PCNX2: variants seen among roughly 807,000 people sequenced by gnomAD.
PCNX2 encodes pecanex-like protein 2.
PCNX2 carries 168 observed loss-of-function variants against 223.8 expected under a neutral mutation model. The observed-to-expected ratio is 0.75, with a 90% confidence interval of 0.66 to 0.85. PCNX2 has a LOEUF of 0.85. PCNX2 is among the 40% of genes least tolerant of loss of function. PCNX2 has a pLI of 0.00. For missense variants in PCNX2, 2,507 were observed against 2,675.5 expected (o/e 0.94, Z 1.39); for synonymous variants, 1,006 against 1,052.6 (o/e 0.96, Z 0.86).
At chr1:233,167,566 C>T in intron 17 of PCNX2, 2 of 289,434 alleles carry the variant, frequency 6.9e-6, no homozygotes, top group Non-Finnish European at 1.0e-5. Flanking sequence ...CTGCTTTTGC[C>T]ACAAAAACAA....
chr1:233,135,658 A>G (rs1011618578), intron 20 of PCNX2, among the ~76,000 whole-genome samples: 1 of 152,228 alleles, frequency 6.6e-6, no homozygotes, highest in African/African-American at 2.4e-5. Flanking sequence ...CCTCTTCATG[A>G]GAAAAGAATC....
At chr1:232,985,059 A>C (rs1210796919) in intron 33 of PCNX2, 1 of 152,268 alleles carries the variant, frequency 6.6e-6, no homozygotes, top group African/African-American at 2.4e-5. Context: ...TTAGTTATCT[A>C]ACTAAGGTCA....
chr1:233,022,942 C>T (rs192058380), intron 26 of PCNX2, among the ~76,000 whole-genome samples: 54 of 152,242 alleles, frequency 3.5e-4, no homozygotes, highest in Non-Finnish European at 6.2e-4. Context: ...AGTGATCTGC[C>T]TGCCTCGGTC....
chr1:233,180,136 C>T (rs1679706102), intron 15 of PCNX2, among the ~76,000 whole-genome samples: 1 of 152,174 alleles, frequency 6.6e-6, no homozygotes, highest in Non-Finnish European at 1.5e-5. Flanking sequence ...TGTTCGAGTG[C>T]TATTTCTTTG....
chr1:233,145,685 T>A (rs1270674275), intron 19 of PCNX2, among the ~76,000 whole-genome samples: 6 of 152,148 alleles, frequency 3.9e-5, no homozygotes, highest in South Asian at 2.1e-4. Context: ...GAAGCATCAT[T>A]CTGGTAGGAG....
chr1:233,252,921 T>A, intron 5 of PCNX2, 133 bp from the exon 6 acceptor site: 2 of 938,056 alleles, frequency 2.1e-6, no homozygotes, highest in Non-Finnish European at 3.1e-6. Context: ...AAAAGGCTTT[T>A]AAATAATTTT....
chr1:233,208,467 G>T (rs747791407), intron 13 of PCNX2, 51 bp downstream of exon 13: 129 of 1,537,456 alleles, frequency 8.4e-5, no homozygotes, highest in Non-Finnish European at 1.1e-4. Context: ...ACAAAGGGGA[G>T]ACATACCCCC....
intron 26 of PCNX2, among the ~76,000 whole-genome samples, chr1:233,017,712 A>C (rs938713054): frequency 2.0e-5 from 3 of 152,180 alleles, no homozygotes; most frequent in African/African-American, 7.2e-5. Context: ...GCTGGGTGTA[A>C]TGCACAGAAC....
intron 26 of PCNX2, 26 bp from the exon 27 acceptor site, chr1:233,017,180 T>G: frequency 1.4e-6 from 1 of 690,570 alleles, no homozygotes; most frequent in South Asian, 2.2e-5. Context: ...CAGGAAGATT[T>G]TATTTATTAA....
At position 232,999,085 on chromosome 1, in the gene PCNX2, C is replaced by T. The variant is rs373129179; in HGVS notation, c.5603+20G>A. On this transcript the variant is annotated intron_variant, in intron 31 of 33. Transcript: ENST00000258229. ...CCTTCCCCCAGCATCTGGACAGAGG[C>T]ATTTGTTGTAAAAACTTACCTTACC... is the stretch of plus-strand genomic sequence containing the variant. 19 of 1,584,330 alleles carry T rather than the reference C, an allele frequency of 1.2e-5. No homozygotes were observed. The highest frequency in any genetic ancestry group is 1.7e-5 in the Admixed American group (1 of 58,436).
At chr1:233,089,943 C>A in intron 23 of PCNX2, 118 bp downstream of exon 23, 1 of 1,520,910 alleles carries the variant, frequency 6.6e-7, no homozygotes. Flanking sequence ...ACAGGTTTGG[C>A]CTGGCCCCAC....
intron 23 of PCNX2, among the ~76,000 whole-genome samples, chr1:233,065,937 T>A (rs1013500969): frequency 3.3e-5 from 5 of 152,148 alleles, no homozygotes; most frequent in Admixed American, 3.3e-4. Context: ...AGCTGCCAGT[T>A]CTAGATAAAG....
At chr1:233,309,997 A>G in the PCNX2 span, among the ~76,000 whole-genome samples, 1 of 152,216 alleles carries the variant, frequency 6.6e-6, no homozygotes, top group Non-Finnish European at 1.5e-5. Context: ...AAAGTTATTA[A>G]TAATTCCTAA....
At position 233,090,055 on chromosome 1, in the gene PCNX2, TCTTA is replaced by T. The variant is rs1558220038; in HGVS notation, c.4076+2_4076+5del. ...AAGCAATTGAGCACTGATTTTAGGA[TCTTA>T]CTTGTAGTTTTTCTCCCAGAATTTC... On this transcript the variant is annotated splice_donor_variant and splice_donor_5th_base_variant and intron_variant, in intron 23 of 33. Transcript: ENST00000258229. LOFTEE classifies it high-confidence loss of function. 6 of 1,613,542 alleles carry T rather than the reference TCTTA, an allele frequency of 3.7e-6. No individual in the cohort carries two copies. The highest frequency in any genetic ancestry group is 1.7e-5 in the Admixed American group (1 of 59,956).
intron 21 of PCNX2, among the ~76,000 whole-genome samples, chr1:233,111,066 C>T (rs1229901665): frequency 6.6e-6 from 1 of 152,206 alleles, no homozygotes; most frequent in East Asian, 1.9e-4. Context: ...CTGCCCTGAT[C>T]ACTTGTCTCC....
At chr1:233,087,917 A>C (rs1319764702) in intron 23 of PCNX2, among the ~76,000 whole-genome samples, 2 of 152,202 alleles carry the variant, frequency 1.3e-5, no homozygotes, top group East Asian at 3.8e-4. Flanking sequence ...CCCCACACAC[A>C]CATACAGGGA....
chr1:233,283,759 AC>A (rs1252310531), intron 1 of PCNX2, among the ~76,000 whole-genome samples: 1 of 152,230 alleles, frequency 6.6e-6, no homozygotes, highest in Admixed American at 6.5e-5. Flanking sequence ...TTAGAAAATT[AC>A]CATTTTGCAA....
intron 15 of PCNX2, among the ~76,000 whole-genome samples, chr1:233,184,097 C>A (rs1558319401): frequency 6.6e-6 from 1 of 152,226 alleles, no homozygotes; most frequent in African/African-American, 2.4e-5. Context: ...CTAACCAGTG[C>A]TGTGTATTTA....
At chr1:233,308,344 A>G in the PCNX2 span, among the ~76,000 whole-genome samples, 1 of 152,282 alleles carries the variant, frequency 6.6e-6, no homozygotes, top group South Asian at 2.1e-4. Context: ...CTGCAATCCC[A>G]GCTACTTGGA....
Sources: gnomAD v4.1 joint callset for allele counts (sites outside exome capture counted in the v4.1 genomes callset) on GRCh38, gnomAD v4.1.1 for gene constraint, MANE v1.5 for transcripts, NCBI Gene and HGNC (gene_info 2026-07-23, HGNC 2026-07-21) for gene names.